Variants in NFIX observed in about 807,000 individuals in gnomAD.
The protein encoded by NFIX is nuclear factor I X, also known as nuclear factor 1 X-type.
Under a neutral mutation model 53.3 loss-of-function variants are expected in NFIX, and 2 were observed. The observed-to-expected ratio is 0.04, with a 90% confidence interval of 0.02 to 0.12. The LOEUF (loss-of-function observed/expected upper bound fraction) is 0.12. Among genes scored for constraint, NFIX ranks in the 10% least tolerant of loss-of-function variants. The pLI, the probability that NFIX is intolerant of heterozygous loss-of-function variation, is 1.00. For synonymous variants in NFIX, 244 were observed against 289.0 expected (o/e 0.84, Z 1.58); for missense variants, 310 against 674.5 (o/e 0.46, Z 5.99).
At position 13,078,447 on chromosome 19, in the gene NFIX, G is replaced by C. The variant is rs765506189; in HGVS notation, c.956-166G>C. ...ACACAGGGCCTCGGAACCAGGCCTAGAACAAGGCCTGGGACTGGGCAAGGA... is the reference window on the plus strand; with the variant it reads ...ACACAGGGCCTCGGAACCAGGCCTACAACAAGGCCTGGGACTGGGCAAGGA... On this transcript the variant is annotated intron_variant, in intron 6 of 10. Coordinates refer to ENST00000592199, the MANE Select transcript of NFIX (RefSeq NM_001365902.3). The surrounding 1 kb of genome is among the most constrained non-coding windows in gnomAD (Gnocchi z 4.7). Among the ~76,000 whole-genome samples, 7 of 152,208 alleles carry C rather than the reference G, an allele frequency of 4.6e-5. No individual in the cohort carries two copies. The highest frequency in any genetic ancestry group is 2.0e-4 in the Admixed American group (3 of 15,284).
intron 2 of NFIX, among the ~76,000 whole-genome samples, chr19:13,033,255 C>T (rs1225762401): frequency 6.6e-6 from 1 of 152,100 alleles, no homozygotes; most frequent in Non-Finnish European, 1.5e-5. Context: ...AGGAGGAGGG[C>T]CTAGGGAGGA....
chr19:13,078,204 C>T lies in NFIX; in HGVS notation c.956-409C>T, dbSNP rs1039413197. Among the ~76,000 whole-genome samples the T allele has an allele frequency of 2.0e-5, 3 of 152,188 alleles. No individual in the cohort carries two copies. The highest frequency in any genetic ancestry group is 1.3e-4 in the Admixed American group (2 of 15,286). ...TGGCATAGACCCCAGCCTGTCCCTCCCAAACTTACCCCTTCCCGGCTCTCA... is the reference window on the plus strand; with the variant it reads ...TGGCATAGACCCCAGCCTGTCCCTCTCAAACTTACCCCTTCCCGGCTCTCA... On this transcript the variant is annotated intron_variant, in intron 6 of 10. Transcript: ENST00000592199. The surrounding 1 kb of genome is among the most constrained non-coding windows in gnomAD (Gnocchi z 4.7).
chr19:13,060,956 T>C lies in NFIX; in HGVS notation c.560-12091T>C, dbSNP rs1215523997. Among the ~76,000 whole-genome samples, 1 of 152,144 alleles carries C rather than the reference T, an allele frequency of 6.6e-6. No homozygotes were observed. Among genetic ancestry groups the C allele is most frequent in the Non-Finnish European group, 1.5e-5 (1 of 67,998 alleles). ...ACTTTTATTCTCCATTTTTTCACTT[T>C]TTATGGGGATGGGGTAGAGATCTTC... On this transcript the variant is annotated intron_variant, in intron 2 of 10. Transcript: ENST00000592199. This position sits in a 1 kb window ranked among gnomAD's most constrained non-coding sequence, Gnocchi z 4.3.
chr19:13,046,379 T>C (rs1442632558), intron 2 of NFIX, among the ~76,000 whole-genome samples: 1 of 152,102 alleles, frequency 6.6e-6, no homozygotes, highest in Non-Finnish European at 1.5e-5. Context: ...GTGTCTTGTG[T>C]TTTCTGCAGA....
chr19:13,058,076 C>T (rs2015824655), intron 2 of NFIX, among the ~76,000 whole-genome samples: 1 of 151,982 alleles, frequency 6.6e-6, no homozygotes, highest in African/African-American at 2.4e-5. Context: ...TACAAGTGAC[C>T]CTAGGAACAG....
rs2013313254 is a variant in NFIX at position 13,025,997 on chromosome 19, A to G, written c.559+445A>G. On this transcript the variant is annotated intron_variant, in intron 2 of 10. Coordinates refer to ENST00000592199, the MANE Select transcript of NFIX (RefSeq NM_001365902.3). This position sits in a 1 kb window ranked among gnomAD's most constrained non-coding sequence, Gnocchi z 7.5. ...GCAGCTTCACCTCCAGTCCCAGGAAAAACTGGGTTTGGTACAAGCGGGATG... is the reference window on the plus strand; with the variant it reads ...GCAGCTTCACCTCCAGTCCCAGGAAGAACTGGGTTTGGTACAAGCGGGATG... Among the ~76,000 whole-genome samples the G allele has an allele frequency of 6.6e-6, 1 of 152,142 alleles. No individual in the cohort carries two copies. The highest frequency in any genetic ancestry group is 2.1e-4 in the South Asian group (1 of 4,820).
chr19:13,004,791 G>A (rs2011923380), intron 1 of NFIX, among the ~76,000 whole-genome samples: 1 of 151,600 alleles, frequency 6.6e-6, no homozygotes, highest in Non-Finnish European at 1.5e-5. Flanking sequence ...GGCAGCCACC[G>A]AGAGAAGGGA....
chr19:13,087,417 A>G (rs1011485300), intron 8 of NFIX, among the ~76,000 whole-genome samples: 4 of 152,118 alleles, frequency 2.6e-5, no homozygotes, highest in African/African-American at 9.7e-5. Context: ...TACCACCCAC[A>G]GGCAGTGAGG....
At position 13,094,575 on chromosome 19, in the gene NFIX, G is replaced by C; in HGVS notation, c.1495-60G>C. The C allele has an allele frequency of 3.3e-6, 5 of 1,523,452 alleles. No individual in the cohort carries two copies. Among genetic ancestry groups the C allele is most frequent in the Non-Finnish European group, 3.5e-6 (4 of 1,136,144 alleles). 94.4% of individuals were successfully genotyped at this position (1,523,452 alleles called of 1,614,324 possible). Reference sequence around the variant, plus strand: ...GGGGCCAGGTCACTGGGCCAGGTAGGAGTGAGATGGGACCTGCCCCAGCTG... The same window carrying C: ...GGGGCCAGGTCACTGGGCCAGGTAGCAGTGAGATGGGACCTGCCCCAGCTG... On this transcript the variant is annotated intron_variant, in intron 10 of 10. Coordinates refer to ENST00000592199, the MANE Select transcript of NFIX (RefSeq NM_001365902.3). The surrounding 1 kb of genome is among the most constrained non-coding windows in gnomAD (Gnocchi z 4.3).
rs142738158 is a variant in NFIX, at chr19:13,053,437, G to A, written c.560-19610G>A. ...GGGCCAGGGAAACTGCAACTGCAGA[G>A]GGGGGAAGGGGAGAGGAAATGTTCC... On this transcript the variant is annotated intron_variant, in intron 2 of 10. Coordinates refer to ENST00000592199, the MANE Select transcript of NFIX (RefSeq NM_001365902.3). 3.9e-3 allele frequency among the ~76,000 whole-genome samples: 601 copies of A among 152,302 alleles called. 3 individuals carry two copies. Among genetic ancestry groups the A allele is most frequent in the Middle Eastern group, 0.024 (7 of 294 alleles).
At position 13,078,996 on chromosome 19, in the gene NFIX, T is replaced by A. The variant is rs1410107047; in HGVS notation, c.1078+261T>A. Among the ~76,000 whole-genome samples the A allele has an allele frequency of 6.6e-6, 1 of 152,192 alleles. No individual in the cohort carries two copies. Among genetic ancestry groups the A allele is most frequent in the Non-Finnish European group, 1.5e-5 (1 of 68,030 alleles). On this transcript the variant is annotated intron_variant, in intron 7 of 10. Transcript: ENST00000592199. The surrounding 1 kb of genome is among the most constrained non-coding windows in gnomAD (Gnocchi z 4.7). The stretch of plus-strand genomic sequence containing the variant: ...TCTCACTCCTCACGTGCATGGGTGC[T>A]ACATACAACACAAGCCTGTCCCGAG...
chr19:13,078,528 A>T lies in NFIX; in HGVS notation c.956-85A>T. ...GCAGTGGGGAGGGGCTGAGGAGAGA[A>T]GGAGCGAGCTGCTGGCTTCCCGCCT... On this transcript the variant is annotated intron_variant, in intron 6 of 10. Transcript: ENST00000592199. This position sits in a 1 kb window ranked among gnomAD's most constrained non-coding sequence, Gnocchi z 4.7. 1 of 1,479,264 alleles carries T rather than the reference A, an allele frequency of 6.8e-7. No individual in the cohort carries two copies. The highest frequency in any genetic ancestry group is 9.2e-7 in the Non-Finnish European group (1 of 1,092,598). 91.6% of individuals were successfully genotyped at this position (1,479,264 alleles called of 1,614,324 possible).
chr19:12,997,423 G>A (rs1201637720), intron 1 of NFIX, among the ~76,000 whole-genome samples: 1 of 152,188 alleles, frequency 6.6e-6, no homozygotes, highest in African/African-American at 2.4e-5. Flanking sequence ...AGGGCGCACC[G>A]GCATGCATAC....
rs1216946534 is a variant in NFIX at position 13,027,010 on chromosome 19, A to T, written c.559+1458A>T. On this transcript the variant is annotated intron_variant, in intron 2 of 10. Transcript: ENST00000592199. The surrounding 1 kb of genome is among the most constrained non-coding windows in gnomAD (Gnocchi z 4.3). ...TGATATAACTGGATCCAGAAATAAA[A>T]TTCGGGTTTGGGGGTGCTTTCAGCA... Among the ~76,000 whole-genome samples, 1 of 152,210 alleles carries T rather than the reference A, an allele frequency of 6.6e-6. No homozygotes were observed. Among genetic ancestry groups the T allele is most frequent in the Non-Finnish European group, 1.5e-5 (1 of 68,032 alleles).
Position 13,025,693 on chromosome 19 carries a change from G to T in NFIX, c.559+141G>T. 1.1e-6 allele frequency: 1 copy of T among 912,096 alleles called. No homozygotes were observed. The highest frequency in any genetic ancestry group is 1.8e-5 in the South Asian group (1 of 56,898). 56.5% of individuals were successfully genotyped at this position (912,096 alleles called of 1,614,324 possible). ...GCCCGTCCTGCGGGGCCTGCAACAC[G>T]GTTCTATGGGCCCTTTTCCTTTTTC... is the stretch of plus-strand genomic sequence containing the variant. On this transcript the variant is annotated intron_variant, in intron 2 of 10. Transcript: ENST00000592199. This position sits in a 1 kb window ranked among gnomAD's most constrained non-coding sequence, Gnocchi z 7.5.
chr19:13,078,710 G>A lies in NFIX; in HGVS notation c.1053G>A (p.Leu351=). Residue 351 remains leucine, a synonymous_variant, in exon 7 of 11, where the codon CTG becomes CTA. Coordinates refer to ENST00000592199, the MANE Select transcript of NFIX (RefSeq NM_001365902.3). The surrounding 1 kb of genome is among the most constrained non-coding windows in gnomAD (Gnocchi z 4.7). ...GCATGGCTTTCACCCACCACCCGCTGCCTGTGCTTGCTGGAGTCAGACCAG... is the reference window on the plus strand; with the variant it reads ...GCATGGCTTTCACCCACCACCCGCTACCTGTGCTTGCTGGAGTCAGACCAG... ...SPRMAFTHHP[L]PVLAGVRPGS... is the part of the protein sequence containing the mutation. The A allele has an allele frequency of 6.2e-7, 1 of 1,600,614 alleles. No individual in the cohort carries two copies. The highest frequency in any genetic ancestry group is 1.1e-5 in the South Asian group (1 of 88,140).
chr19:13,020,382 G>T (rs931953268), intron 1 of NFIX, among the ~76,000 whole-genome samples: 1 of 152,110 alleles, frequency 6.6e-6, no homozygotes, highest in Non-Finnish European at 1.5e-5. Flanking sequence ...CTCTGTGTGC[G>T]CCCAAAATAG....
At position 13,081,906 on chromosome 19, in the gene NFIX, ATCTG is replaced by A; in HGVS notation, c.1254+59_1254+62del. 5 of 1,598,164 alleles carry A rather than the reference ATCTG, an allele frequency of 3.1e-6. No homozygotes were observed. The highest frequency in any genetic ancestry group is 4.3e-6 in the Non-Finnish European group (5 of 1,169,924). On this transcript the variant is annotated intron_variant, in intron 8 of 10. Transcript: ENST00000592199. The surrounding 1 kb of genome is among the most constrained non-coding windows in gnomAD (Gnocchi z 4.7). The stretch of plus-strand genomic sequence containing the variant: ...CGGCTACAGCCTCATCTCCACATCT[ATCTG>A]TCTGTCTCAGGGCTCACAGGGAGAG...
In NFIX at chr19:13,006,256, GC is replaced by G. The variant is rs1214038537; in HGVS notation, c.27+10394del. Among the ~76,000 whole-genome samples, 7 of 152,276 alleles carry G rather than the reference GC, an allele frequency of 4.6e-5. No individual in the cohort carries two copies. In the East Asian group the frequency reaches 9.7e-4, roughly 21 times the overall value. ...TGGTGAGATGATGATTTTGAACGCT[GC>G]CTTGCTATAGCTCAAGTGCAGCCCA... On this transcript the variant is annotated intron_variant, in intron 1 of 10. Transcript: ENST00000592199. The surrounding 1 kb of genome is among the most constrained non-coding windows in gnomAD (Gnocchi z 5.6).
Sources: allele counts gnomAD v4.1 joint callset (sites outside exome capture counted in the v4.1 genomes callset), GRCh38; gene constraint gnomAD v4.1.1; non-coding constraint Gnocchi (gnomAD v3.1); transcripts MANE v1.5; gene names NCBI Gene and HGNC (gene_info 2026-07-23, HGNC 2026-07-21).